The following ADGRB3 variants were observed in gnomAD, a reference collection of about 807,000 sequenced individuals.
ADGRB3 encodes adhesion G protein-coupled receptor B3.
In ADGRB3, 37 loss-of-function variants were observed where a neutral mutation model predicts 193.4. That is an observed-to-expected ratio of 0.19 (90% confidence interval 0.15 to 0.25). The LOEUF (loss-of-function observed/expected upper bound fraction) is 0.25, where lower values mean the gene tolerates loss of function less well. Ranked by LOEUF, ADGRB3 falls within the 10% of genes least tolerant of loss-of-function variation. ADGRB3 has a pLI of 1.00. For missense variants in ADGRB3, 1,637 were observed against 1,852.9 expected, an observed-to-expected ratio of 0.88 and a Z score of 2.14; for synonymous variants, 690 against 644.2, an observed-to-expected ratio of 1.07 and a Z score of -1.08.
chr6:69,154,117 T>C (rs1356762137), intron 17 of ADGRB3, among the ~76,000 whole-genome samples: 2 of 151,646 alleles, frequency 1.3e-5, no homozygotes, highest in East Asian at 3.9e-4. Context: ...ATTTCGTGAC[T>C]TTATAGTCAA....
intron 17 of ADGRB3, among the ~76,000 whole-genome samples, chr6:69,156,915 G>C (rs1774856836): frequency 6.6e-6 from 1 of 152,152 alleles, no homozygotes; most frequent in Non-Finnish European, 1.5e-5. Flanking sequence ...AAGCTGATTC[G>C]TAGCAATATT....
At chr6:69,156,563 A>T (rs977168025) in intron 17 of ADGRB3, among the ~76,000 whole-genome samples, 1 of 152,180 alleles carries the variant, frequency 6.6e-6, no homozygotes, top group Non-Finnish European at 1.5e-5. Context: ...TCTTTAGGCC[A>T]TAGTAAGGAG....
chr6:68,716,076 C>A (rs1446116641), intron 3 of ADGRB3, among the ~76,000 whole-genome samples: 1 of 151,708 alleles, frequency 6.6e-6, no homozygotes, highest in Non-Finnish European at 1.5e-5. Flanking sequence ...TGAACTTCAG[C>A]TATGTCAAAT....
intron 20 of ADGRB3, among the ~76,000 whole-genome samples, chr6:69,314,503 A>G (rs1768270446): frequency 6.6e-6 from 1 of 151,630 alleles, no homozygotes; most frequent in Admixed American, 6.6e-5. Context: ...CAAAATTTTC[A>G]CAAATTGAAG....
intron 3 of ADGRB3, among the ~76,000 whole-genome samples, chr6:68,927,635 G>A (rs1004208021): frequency 2.0e-5 from 3 of 151,912 alleles, no homozygotes; most frequent in African/African-American, 7.3e-5. Flanking sequence ...GTAAACTTTG[G>A]CAGAAGAAAC....
chr6:68,897,942 A>AATAT (rs541416270), intron 3 of ADGRB3, among the ~76,000 whole-genome samples: 1 of 147,558 alleles, frequency 6.8e-6, no homozygotes, highest in East Asian at 1.9e-4. Flanking sequence ...AACAGAAACA[A>AATAT]ATATATATAT....
intron 3 of ADGRB3, among the ~76,000 whole-genome samples, chr6:68,819,351 A>G (rs1767704256): frequency 6.6e-6 from 1 of 151,778 alleles, no homozygotes. Flanking sequence ...CCTTTCCACC[A>G]TACACATGTT....
chr6:68,955,852 G>T (rs1038545805), intron 6 of ADGRB3, among the ~76,000 whole-genome samples, 172 bp from the exon 7 acceptor site: 1 of 152,038 alleles, frequency 6.6e-6, no homozygotes, highest in Non-Finnish European at 1.5e-5. Context: ...GGAAAATAAG[G>T]TAATAATATT....
chr6:69,197,833 T>C (rs1183071873), intron 17 of ADGRB3, among the ~76,000 whole-genome samples: 1 of 152,072 alleles, frequency 6.6e-6, no homozygotes, highest in Non-Finnish European at 1.5e-5. Flanking sequence ...CATGAAGTAT[T>C]TTGCAAAATA....
chr6:68,769,230 A>G (rs1039568891), intron 3 of ADGRB3, among the ~76,000 whole-genome samples: 1 of 152,228 alleles, frequency 6.6e-6, no homozygotes, highest in Non-Finnish European at 1.5e-5. Flanking sequence ...CTATAAAGAC[A>G]TATGCACATG....
chr6:68,918,916 C>G (rs1328372922), intron 3 of ADGRB3, among the ~76,000 whole-genome samples: 1 of 152,056 alleles, frequency 6.6e-6, no homozygotes, highest in Non-Finnish European at 1.5e-5. Context: ...TTATTTCTAT[C>G]TAAATATCAC....
chr6:69,347,932 A>C (rs1769136335), intron 26 of ADGRB3, among the ~76,000 whole-genome samples: 1 of 152,190 alleles, frequency 6.6e-6, no homozygotes, highest in African/African-American at 2.4e-5. Context: ...GGCAAGGACA[A>C]TATGCTCATA....
chr6:69,342,578 G>T (rs960928089), intron 26 of ADGRB3, among the ~76,000 whole-genome samples: 4 of 152,098 alleles, frequency 2.6e-5, no homozygotes, highest in Admixed American at 6.5e-5. Context: ...CTAGCAATGG[G>T]TATATCTCAG....
At chr6:69,083,909 A>G (rs1203675716) in intron 17 of ADGRB3, among the ~76,000 whole-genome samples, 2 of 151,020 alleles carry the variant, frequency 1.3e-5, no homozygotes, top group Non-Finnish European at 2.9e-5. Context: ...TGATTAGCTG[A>G]GATTACAGGT....
intron 30 of ADGRB3, 42 bp downstream of exon 30, chr6:69,372,483 T>C (rs750252376): frequency 1.8e-6 from 2 of 1,101,082 alleles, no homozygotes; most frequent in South Asian, 3.4e-5. Flanking sequence ...ATTACTTGAA[T>C]TCAAAATAGA....
intron 3 of ADGRB3, among the ~76,000 whole-genome samples, chr6:68,752,582 A>G (rs779439442): frequency 3.0e-4 from 46 of 152,108 alleles, no homozygotes; most frequent in Non-Finnish European, 5.6e-4. Flanking sequence ...TAGTTGTGGT[A>G]GGATATTCTT....
chr6:68,707,775 T>C (rs2127313953), intron 3 of ADGRB3, among the ~76,000 whole-genome samples: 1 of 152,334 alleles, frequency 6.6e-6, no homozygotes, highest in Middle Eastern at 3.4e-3. Context: ...TTAGTTATTA[T>C]CATTCCCCCT....
chr6:69,098,499 G>A (rs1409151166), intron 17 of ADGRB3, among the ~76,000 whole-genome samples: 5 of 152,134 alleles, frequency 3.3e-5, no homozygotes, highest in African/African-American at 9.7e-5. Context: ...CAGTTCTGCA[G>A]GCTTGACAGT....
chr6:68,836,945 T>C (rs1197438127), intron 3 of ADGRB3, among the ~76,000 whole-genome samples: 6 of 152,198 alleles, frequency 3.9e-5, no homozygotes, highest in African/African-American at 1.4e-4. Context: ...TAAAAATCCA[T>C]ATGCCTTCAA....
Sources: gnomAD v4.1 joint callset for allele counts (sites outside exome capture counted in the v4.1 genomes callset) on GRCh38, gnomAD v4.1.1 for gene constraint, MANE v1.5 for transcripts, NCBI Gene and HGNC (gene_info 2026-07-23, HGNC 2026-07-21) for gene names.